The following COPS3 variants were observed in gnomAD, a reference collection of about 807,000 sequenced individuals.
COPS3 encodes COP9 signalosome complex subunit 3.
In COPS3, 10 loss-of-function variants were observed where a neutral mutation model predicts 58.2. The ratio of observed to expected loss-of-function variants is 0.17; its 90% CI spans 0.11 to 0.29. The LOEUF is 0.29. Among genes scored for constraint, COPS3 ranks in the 10% least tolerant of loss-of-function variants. The pLI is 1.00. For synonymous variants in COPS3, 187 were observed against 181.7 expected (o/e 1.03, Z -0.24); for missense variants, 333 against 510.1 (o/e 0.65, Z 3.34).
rs754730855 is a variant in COPS3, at chr17:17,275,999, A to G, written c.185+36T>C. ...CAGGAAGTGCACAGTGTTCCATTTT[A>G]ACAAGCACAGAACTATAAAAGAAGA... On this transcript the variant is annotated intron_variant, in intron 2 of 11. Transcript: ENST00000268717. 5.1e-6 allele frequency: 8 copies of G among 1,580,320 alleles called. No homozygotes were observed. In the Admixed American group the frequency reaches 1.4e-4, roughly 28 times the overall value.
chr17:17,260,310 C>T lies in COPS3; in HGVS notation c.927G>A (p.Arg309=). 1 of 1,613,816 alleles carries T rather than the reference C, an allele frequency of 6.2e-7. No homozygotes were observed. Among genetic ancestry groups the T allele is most frequent in the Non-Finnish European group, 8.5e-7 (1 of 1,179,792 alleles). ...LSSLYKKNIQ[R]LTKTFLTLSL... ...GTGGCACTTTCCTCACCTTTGTTAG[C>T]CTCTGAATATTCTTCTTATAAAGAG... Residue 309 remains arginine, a synonymous_variant, in exon 8 of 12, where the codon AGG becomes AGA. Coordinates refer to ENST00000268717, the MANE Select transcript of COPS3 (RefSeq NM_003653.4).
Position 17,262,028 on chromosome 17 carries a change from A to C in COPS3, c.700T>G (p.Leu234Val). The change falls in exon 7 of 12, where the codon TTA becomes GTA. Residue 234 changes from leucine to valine, a missense_variant. Coordinates refer to ENST00000268717, the MANE Select transcript of COPS3 (RefSeq NM_003653.4). ...YKKYILVSLI[L>V]LGKVQQLPKY... The stretch of plus-strand genomic sequence containing the variant: ...GGTAGCTGTTGTACTTTGCCAAGTA[A>C]TATCAAAGACACTAAAATATACTTT... 1.2e-6 allele frequency: 2 copies of C among 1,608,188 alleles called. No homozygotes were observed. The highest frequency in any genetic ancestry group is 1.7e-6 in the Non-Finnish European group (2 of 1,176,372).
Position 17,276,164 on chromosome 17 carries a change from C to A in COPS3, c.56G>T (p.Gly19Val). The A allele has an allele frequency of 6.2e-7, 1 of 1,613,672 alleles. No homozygotes were observed. Among genetic ancestry groups the A allele is most frequent in the South Asian group, 1.1e-5 (1 of 91,068 alleles). Reference sequence around the variant, plus strand: ...CAGTTCACAAAGCTGTGTCATTTGCCCTGGAAAACAGGAACAACACTATTG... The same window carrying A: ...CAGTTCACAAAGCTGTGTCATTTGCACTGGAAAACAGGAACAACACTATTG... ...VNSVRQLSAQ[G>V]QMTQLCELIN... Residue 19 changes from glycine (G) to valine (V), a missense_variant and splice_region_variant, in exon 2 of 12, where the codon GGG becomes GTG. By Grantham distance (109) the Gly-to-Val change is moderately radical. Coordinates refer to ENST00000268717, the MANE Select transcript of COPS3 (RefSeq NM_003653.4).
At chr17:17,261,601 T>C (rs2048102004) in intron 7 of COPS3, 1 of 407,922 alleles carries the variant, frequency 2.5e-6, no homozygotes, top group South Asian at 1.8e-5. Context: ...GGCACACACC[T>C]GTAATCCCAG....
intron 2 of COPS3, among the ~76,000 whole-genome samples, chr17:17,274,111 T>G (rs2048409318): frequency 6.6e-6 from 1 of 152,218 alleles, no homozygotes. Flanking sequence ...TTTGAAGGTA[T>G]AAGGTGTTTA....
In COPS3 at chr17:17,261,535, T is replaced by TAAAC. The variant is rs2048100314; in HGVS notation, c.762+430_762+431insGTTT. On this transcript the variant is annotated intron_variant, in intron 7 of 11. Transcript: ENST00000268717. ...GAGCAAAACTCCATTTCTAAATAAA[T>TAAAC]AAATAAATAAATAAAATGAAAAATA... 3.9e-5 allele frequency: 13 copies of TAAAC among 332,158 alleles called. 1 individual carries two copies. The East Asian group carries it at 6.1e-4, about 16-fold the overall frequency. 20.6% of individuals were successfully genotyped at this position (332,158 alleles called of 1,614,324 possible).
chr17:17,280,610 T>C (rs1194393638), intron 1 of COPS3: 8 of 1,302,008 alleles, frequency 6.1e-6, no homozygotes, highest in African/African-American at 4.6e-5. Flanking sequence ...AGGACCAAAA[T>C]AGGCGCACAG....
chr17:17,261,620 G>A (rs2145215647), intron 7 of COPS3: 2 of 426,234 alleles, frequency 4.7e-6, no homozygotes, highest in Non-Finnish European at 4.6e-6. Context: ...AGCACTCTGG[G>A]AGGCAGACGC....
chr17:17,249,123 A>G, intron 9 of COPS3, 84 bp from the exon 10 acceptor site: 1 of 731,606 alleles, frequency 1.4e-6, no homozygotes, highest in Non-Finnish European at 2.3e-6. Context: ...ATCACAGAAA[A>G]GCATGGAAGG....
At chr17:17,271,849 T>TATAG (rs1283717462) in intron 2 of COPS3, among the ~76,000 whole-genome samples, 14 of 142,024 alleles carry the variant, frequency 9.9e-5, no homozygotes, top group African/African-American at 2.9e-4. Context: ...TCTATATATA[T>TATAG]ATATATATAC....
intron 1 of COPS3, chr17:17,280,587 C>T (rs2145274144): frequency 7.7e-7 from 1 of 1,295,898 alleles, no homozygotes; most frequent in African/African-American, 1.5e-5. Flanking sequence ...CGAGAGCTTC[C>T]GCAGCATTCT....
In COPS3 at chr17:17,253,732, A is replaced by G. The variant is rs2047900421; in HGVS notation, c.1023+1127T>C. 2.6e-5 allele frequency among the ~76,000 whole-genome samples: 4 copies of G among 152,214 alleles called. No individual in the cohort carries two copies. In the South Asian group the frequency reaches 8.3e-4, roughly 31 times the overall value. On this transcript the variant is annotated intron_variant, in intron 9 of 11. Coordinates refer to ENST00000268717, the MANE Select transcript of COPS3 (RefSeq NM_003653.4). ...GCAGTTGCTTGATGTACGTACTGGC[A>G]AAAGCTTGTGATCTCATCACAGATA...
chr17:17,275,397 A>G (rs2048440320), intron 2 of COPS3, among the ~76,000 whole-genome samples: 1 of 149,494 alleles, frequency 6.7e-6, no homozygotes, highest in African/African-American at 2.5e-5. Flanking sequence ...GCAACAACTG[A>G]TTTTATTTTT....
intron 6 of COPS3, among the ~76,000 whole-genome samples, chr17:17,263,504 CCTTTTCT>C (rs2048152623): frequency 2.9e-5 from 3 of 104,520 alleles, no homozygotes; most frequent in Non-Finnish European, 3.9e-5. Flanking sequence ...CAGCCTCTTG[CCTTTTCT>C]TTTTTTTTTT....
chr17:17,250,427 T>C (rs2047818428), intron 9 of COPS3, among the ~76,000 whole-genome samples: 1 of 152,046 alleles, frequency 6.6e-6, no homozygotes, highest in Non-Finnish European at 1.5e-5. Context: ...GCTAATTTTT[T>C]TTATTTTTAG....
Position 17,267,891 on chromosome 17 carries a change from G to A in COPS3, c.435C>T (p.Leu145=). 1 of 1,613,608 alleles carries A rather than the reference G, an allele frequency of 6.2e-7. No homozygotes were observed. Among genetic ancestry groups the A allele is most frequent in the Non-Finnish European group, 8.5e-7 (1 of 1,179,678 alleles). ...ACACACTTTGGTTGCTTACCTGGCA[G>A]AGATCAGCATGTATTGAGGTCAGCT... is the stretch of plus-strand genomic sequence containing the variant. The part of the protein sequence containing the change: ...TNQLTSIHAD[L]CQLCLLAKCF... Residue 145 remains leucine, a synonymous_variant, in exon 5 of 12, where the codon CTC becomes CTT. Coordinates refer to ENST00000268717, the MANE Select transcript of COPS3 (RefSeq NM_003653.4).
intron 4 of COPS3, 119 bp from the exon 5 acceptor site, chr17:17,268,096 T>C (rs1432418766): frequency 1.5e-6 from 2 of 1,329,556 alleles, no homozygotes; most frequent in African/African-American, 1.5e-5. Flanking sequence ...AATAGCAATA[T>C]GAGGTTTCCA....
intron 10 of COPS3, among the ~76,000 whole-genome samples, chr17:17,248,494 T>C (rs1367416740): frequency 6.6e-6 from 1 of 152,112 alleles, no homozygotes; most frequent in East Asian, 1.9e-4. Flanking sequence ...TTTTATTTTT[T>C]TTAGTAGAGA....
Position 17,271,019 on chromosome 17 carries a change from G to C in COPS3, c.186-11C>G, listed in dbSNP as rs760150085. 2 of 1,584,938 alleles carry C rather than the reference G, an allele frequency of 1.3e-6. No individual in the cohort carries two copies. Among genetic ancestry groups the C allele is most frequent in the Non-Finnish European group, 1.7e-6 (2 of 1,153,892 alleles). ...GAAAACTTCACAAACCTAGAATAAG[G>C]AGAAAAGAATCAAATTACCCTGATA... On this transcript the variant is annotated splice_polypyrimidine_tract_variant and intron_variant, in intron 2 of 11. Transcript: ENST00000268717.
Sources: gnomAD v4.1 joint callset for allele counts (sites outside exome capture counted in the v4.1 genomes callset) on GRCh38, gnomAD v4.1.1 for gene constraint, MANE v1.5 for transcripts, NCBI Gene and HGNC (gene_info 2026-07-23, HGNC 2026-07-21) for gene names.